SETBP1: variants seen among roughly 807,000 people sequenced by gnomAD.
SETBP1 encodes SET-binding protein.
Under a neutral mutation model 101.0 loss-of-function variants are expected in SETBP1, and 9 were observed. The observed-to-expected ratio is 0.09, with a 90% confidence interval of 0.05 to 0.16. The LOEUF is 0.16. SETBP1 is among the 10% of genes least tolerant of loss of function. The pLI, the probability that SETBP1 is intolerant of heterozygous loss-of-function variation, is 1.00. For synonymous variants in SETBP1, 818 were observed against 788.5 expected, an observed-to-expected ratio of 1.04 and a Z score of -0.63; for missense variants, 1,858 against 2,033.8, an observed-to-expected ratio of 0.91 and a Z score of 1.66.
chr18:44,895,678 CATAAGTTACT>C (rs2069884573), intron 3 of SETBP1, among the ~76,000 whole-genome samples: 2 of 152,122 alleles, frequency 1.3e-5, no homozygotes, highest in Non-Finnish European at 2.9e-5. Context: ...GATGTAATCT[CATAAGTTACT>C]ATCTTTTCTT....
intron 3 of SETBP1, among the ~76,000 whole-genome samples, chr18:44,927,816 C>A (rs575984799): frequency 6.6e-6 from 1 of 152,270 alleles, no homozygotes; most frequent in South Asian, 2.1e-4. Flanking sequence ...GCATGCTGTA[C>A]CCCTGTTAGT....
intron 2 of SETBP1, among the ~76,000 whole-genome samples, chr18:44,854,909 T>C (rs2072942009): frequency 6.6e-6 from 1 of 152,228 alleles, no homozygotes; most frequent in African/African-American, 2.4e-5. Context: ...GCCCTTGCTC[T>C]TTTTCTCTGC....
At chr18:45,019,441 TC>T (rs1180976892) in intron 4 of SETBP1, among the ~76,000 whole-genome samples, 2 of 152,226 alleles carry the variant, frequency 1.3e-5, no homozygotes, top group Non-Finnish European at 2.9e-5. Context: ...ATACATTGAC[TC>T]ATGTATTTAT....
At chr18:44,942,161 T>A (rs2071102097) in intron 3 of SETBP1, among the ~76,000 whole-genome samples, 2 of 152,222 alleles carry the variant, frequency 1.3e-5, no homozygotes, top group African/African-American at 2.4e-5. Flanking sequence ...TAGCTTTTAT[T>A]CTAGAGCTGG....
chr18:45,017,287 C>T (rs1308457080), intron 4 of SETBP1, among the ~76,000 whole-genome samples: 1 of 152,168 alleles, frequency 6.6e-6, no homozygotes, highest in Non-Finnish European at 1.5e-5. Flanking sequence ...GACAGCAGAC[C>T]TGAGGCACAC....
chr18:44,773,944 T>C (rs188798707), intron 2 of SETBP1, among the ~76,000 whole-genome samples: 6 of 151,384 alleles, frequency 4.0e-5, no homozygotes, highest in African/African-American at 1.5e-4. Context: ...AGCTCCTAGG[T>C]GACATGTTAA....
At chr18:44,703,348 G>GTTTTTTTTTTTTTTTTTTTTTTTT (rs531974601) in intron 2 of SETBP1, among the ~76,000 whole-genome samples, 9 of 51,444 alleles carry the variant, frequency 1.7e-4, no homozygotes, top group Non-Finnish European at 2.9e-4. Flanking sequence ...TTACCATTAG[G>GTTTTTTTTTTTTTTTTTTTTTTTT]TTTTTTTTTT....
At chr18:44,760,310 T>G (rs1267915640) in intron 2 of SETBP1, among the ~76,000 whole-genome samples, 1 of 152,186 alleles carries the variant, frequency 6.6e-6, no homozygotes, top group Non-Finnish European at 1.5e-5. Context: ...TTTACGTGGG[T>G]GCACTGCAGA....
intron 5 of SETBP1, among the ~76,000 whole-genome samples, chr18:45,056,113 A>T (rs2073804563): frequency 6.6e-6 from 1 of 152,222 alleles, no homozygotes; most frequent in Non-Finnish European, 1.5e-5. Flanking sequence ...TTGTACAAGA[A>T]AATTGCCAAA....
At position 44,686,130 on chromosome 18, in the gene SETBP1, G is replaced by C. The variant is rs185212616; in HGVS notation, c.-173+5109G>C. Among the ~76,000 whole-genome samples the C allele has an allele frequency of 1.7e-3, 265 of 152,348 alleles. 3 individuals carry two copies. The highest frequency in any genetic ancestry group is 3.5e-4 in the Non-Finnish European group (24 of 68,028). On this transcript the variant is annotated intron_variant, in intron 1 of 5. Transcript: ENST00000649279. Reference sequence around the variant, plus strand: ...GAAAAGAACTAATAGCAGCGTTGCCGCTGTCCCAGCAAATCCAGTAAGTTC... The same window carrying C: ...GAAAAGAACTAATAGCAGCGTTGCCCCTGTCCCAGCAAATCCAGTAAGTTC...
rs1437136029 is a variant in SETBP1 at position 44,950,393 on chromosome 18, C to T, written c.1053C>T (p.Asp351=). 1 of 1,614,116 alleles carries T rather than the reference C, an allele frequency of 6.2e-7. No individual in the cohort carries two copies. ...DVISQTIPNP[D]LDWVKNAQKA... ...TAAGTCAGACCATACCAAACCCAGA[C>T]CTGGATTGGGTCAAGAATGCCCAGA... Residue 351 remains aspartate (D), a synonymous_variant, in exon 4 of 6, where the codon GAC becomes GAT. Coordinates refer to ENST00000649279, the MANE Select transcript of SETBP1 (RefSeq NM_015559.3).
At chr18:44,793,421 G>A (rs2071405712) in intron 2 of SETBP1, among the ~76,000 whole-genome samples, 3 of 152,170 alleles carry the variant, frequency 2.0e-5, no homozygotes, top group African/African-American at 7.2e-5. Flanking sequence ...AGCCCTGGTT[G>A]ACATCACTGG....
At chr18:44,889,363 C>A (rs1207581295) in intron 3 of SETBP1, among the ~76,000 whole-genome samples, 4 of 152,130 alleles carry the variant, frequency 2.6e-5, no homozygotes, top group African/African-American at 7.2e-5. Flanking sequence ...TTTATCATCC[C>A]TACTAAATCC....
At chr18:44,897,484 A>G (rs1019923338) in intron 3 of SETBP1, among the ~76,000 whole-genome samples, 19 of 152,104 alleles carry the variant, frequency 1.2e-4, no homozygotes, top group Non-Finnish European at 2.8e-4. Context: ...ACAAATTCGT[A>G]TTCCTCCCAG....
At chr18:44,937,454 C>CAAAAAAAA (rs34414710) in intron 3 of SETBP1, among the ~76,000 whole-genome samples, 1 of 83,378 alleles carries the variant, frequency 1.2e-5, no homozygotes, top group Admixed American at 1.4e-4. Flanking sequence ...GACTCCGTCT[C>CAAAAAAAA]AAAAAAAAAA....
chr18:44,775,377 G>A (rs980004638), intron 2 of SETBP1, among the ~76,000 whole-genome samples: 1 of 152,178 alleles, frequency 6.6e-6, no homozygotes, highest in East Asian at 1.9e-4. Context: ...CAGTAACATA[G>A]CCTGGGAAGG....
chr18:44,731,631 T>TAC (rs58199613), intron 2 of SETBP1, among the ~76,000 whole-genome samples: 9,466 of 149,794 alleles, frequency 0.063, 365 homozygotes, highest in South Asian at 0.11. Flanking sequence ...AATGGTTCTT[T>TAC]ACACACACAC....
At chr18:44,681,630 G>T (rs1345219236) in intron 1 of SETBP1, among the ~76,000 whole-genome samples, 1 of 145,966 alleles carries the variant, frequency 6.9e-6, no homozygotes, top group Non-Finnish European at 1.5e-5. Flanking sequence ...ATTGGAGATT[G>T]AAAGTTGTGC....
chr18:44,995,135 C>CTT (rs58617770), intron 4 of SETBP1, among the ~76,000 whole-genome samples: 1,095 of 94,946 alleles, frequency 0.012, no homozygotes, highest in Non-Finnish European at 0.016. Context: ...ATGTTATTTA[C>CTT]TTTTTTTTTT....
Sources: allele counts gnomAD v4.1 joint callset (sites outside exome capture counted in the v4.1 genomes callset), GRCh38; gene constraint gnomAD v4.1.1; transcripts MANE v1.5; gene names NCBI Gene and HGNC (gene_info 2026-07-23, HGNC 2026-07-21).